The following SCOC variants were observed in gnomAD, a reference collection of about 807,000 sequenced individuals.
The protein encoded by SCOC is short coiled-coil protein.
A neutral mutation model predicts 9.9 loss-of-function variants in SCOC; 7 were observed. The observed-to-expected ratio is 0.71, with a 90% confidence interval of 0.40 to 1.33. The LOEUF is 1.33. SCOC is among the 40% of genes most tolerant of loss of function. The probability of loss-of-function intolerance (pLI) is 0.01; values close to 1 mark genes in which losing one functional copy is unlikely to be tolerated. For synonymous variants in SCOC, 19 were observed against 28.2 expected (o/e 0.67, Z 1.03); for missense variants, 66 against 89.7 (o/e 0.74, Z 1.07).
intron 1 of SCOC, among the ~76,000 whole-genome samples, chr4:140,265,285 C>T (rs1730709199): frequency 6.6e-6 from 1 of 152,224 alleles, no homozygotes; most frequent in East Asian, 1.9e-4. Flanking sequence ...AAATCAGAAC[C>T]CAAAGAAAGG....
chr4:140,372,310 C>T (rs1004985608), upstream of SCOC, among the ~76,000 whole-genome samples: 16 of 152,188 alleles, frequency 1.1e-4, no homozygotes, highest in African/African-American at 3.9e-4. Flanking sequence ...ACTGTTCTAG[C>T]AAAAACAAAA....
chr4:140,356,886 A>G (rs1380939800), intron 2 of SCOC, among the ~76,000 whole-genome samples: 1 of 152,160 alleles, frequency 6.6e-6, no homozygotes, highest in Non-Finnish European at 1.5e-5. Context: ...TTCCCAATTT[A>G]TTAAGTGAGT....
At chr4:140,273,865 A>C (rs1412173458) in intron 1 of SCOC, among the ~76,000 whole-genome samples, 1 of 152,238 alleles carries the variant, frequency 6.6e-6, no homozygotes, top group Non-Finnish European at 1.5e-5. Context: ...GTAACAGTTT[A>C]AAGCTTATAA....
At chr4:140,286,907 C>T (rs780003630) in intron 1 of SCOC, among the ~76,000 whole-genome samples, 10 of 152,114 alleles carry the variant, frequency 6.6e-5, no homozygotes, top group Non-Finnish European at 1.3e-4. Flanking sequence ...TAGCTGTTCC[C>T]CCAGAGGGCT....
rs201608286 is a variant in SCOC at position 140,322,461 on chromosome 4, G to T, written c.-18-21160G>T. Among the ~76,000 whole-genome samples the T allele has an allele frequency of 1.1e-4, 17 of 152,282 alleles. 1 individual carries two copies. In the East Asian group the frequency reaches 2.3e-3, roughly 21 times the overall value. Reference sequence around the variant, plus strand: ...AGGACATTCTGATGAGGTTGTAGATGAAAATGAGGAACAAACATTGGAAAC... The same window carrying T: ...AGGACATTCTGATGAGGTTGTAGATTAAAATGAGGAACAAACATTGGAAAC... On this transcript the variant is annotated intron_variant, in intron 1 of 4. Transcript: ENST00000394205.
chr4:140,319,758 A>G (rs1487248055), intron 1 of SCOC, among the ~76,000 whole-genome samples: 1 of 149,460 alleles, frequency 6.7e-6, no homozygotes, highest in African/African-American at 2.4e-5. Flanking sequence ...TAACAATGAG[A>G]AAAAAAAAAC....
rs1311064788 is a variant in SCOC at position 140,382,974 on chromosome 4, TA to T, written c.*1873del. 6.6e-6 allele frequency: 1 copy of T among 152,262 alleles called. No individual in the cohort carries two copies. The highest frequency in any genetic ancestry group is 2.4e-5 in the African/African-American group (1 of 41,468). The allele number at this position is 152,262 out of a possible 1,614,324, so 9.4% of individuals were successfully genotyped here. ...TTGGCTGAGGATGGTGCTGCCATTT[TA>T]AATCATGGCTTTCAAGTCACTCTAG... On this transcript the variant is annotated 3_prime_UTR_variant, in exon 4 of 4. Transcript: ENST00000608372.
intron 1 of SCOC, among the ~76,000 whole-genome samples, chr4:140,295,936 A>AAAAAAAAAAAAGAAAGAAAG (rs1731619702): frequency 6.6e-6 from 1 of 150,464 alleles, no homozygotes; most frequent in Non-Finnish European, 1.5e-5. Flanking sequence ...GTCTCAAAAA[A>AAAAAAAAAAAAGAAAGAAAG]AAAAAAAAAA....
intron 1 of SCOC, chr4:140,284,345 T>C (rs950762020): frequency 2.6e-5 from 4 of 152,186 alleles, no homozygotes; most frequent in South Asian, 4.1e-4. Flanking sequence ...TTCGGGGCTA[T>C]GAAAGAATGC....
chr4:140,343,923 A>G (rs1726604624), intron 2 of SCOC, among the ~76,000 whole-genome samples: 1 of 142,188 alleles, frequency 7.0e-6, no homozygotes, highest in Non-Finnish European at 1.6e-5. Flanking sequence ...ATTATATAAC[A>G]TGTACTTTTT....
At position 140,310,440 on chromosome 4, in the gene SCOC, T is replaced by C. The variant is rs188108725; in HGVS notation, c.-18-33181T>C. The stretch of plus-strand genomic sequence containing the variant: ...TATATCCTTTTTTACAAGGTTCTGG[T>C]CAAATCTTAAATAAATTCTGAAGAA... On this transcript the variant is annotated intron_variant, in intron 1 of 4. Coordinates refer to the SCOC transcript ENST00000394205. Among the ~76,000 whole-genome samples the C allele has an allele frequency of 2.3e-4, 35 of 152,292 alleles. 1 individual carries two copies. Among genetic ancestry groups the C allele is most frequent in the Admixed American group, 2.0e-3 (31 of 15,302 alleles).
chr4:140,294,839 A>G (rs1731577581), intron 1 of SCOC, among the ~76,000 whole-genome samples: 1 of 152,208 alleles, frequency 6.6e-6, no homozygotes, highest in African/African-American at 2.4e-5. Flanking sequence ...GGAAACAGCT[A>G]AAAGTAGCTA....
At chr4:140,323,019 A>T (rs996395671) in intron 1 of SCOC, among the ~76,000 whole-genome samples, 2 of 152,282 alleles carry the variant, frequency 1.3e-5, no homozygotes, top group African/African-American at 4.8e-5. Flanking sequence ...GAAAATAGGA[A>T]AACAATACAT....
chr4:140,361,573 C>A lies in SCOC; in HGVS notation c.71-17548C>A, dbSNP rs377104430. 5.3e-5 allele frequency among the ~76,000 whole-genome samples: 8 copies of A among 152,262 alleles called. 1 individual carries two copies. Among genetic ancestry groups the A allele is most frequent in the African/African-American group, 1.9e-4 (8 of 41,556 alleles). ...ATTTGAGAGGCTGAGGCAAGAGAAT[C>A]ACTTGAGCCCAGGAAGTTGAGGCTG... On this transcript the variant is annotated intron_variant, in intron 2 of 4. Transcript: ENST00000338517.
chr4:140,341,433 T>A (rs1056734179), upstream of SCOC, among the ~76,000 whole-genome samples: 1 of 152,174 alleles, frequency 6.6e-6, no homozygotes, highest in Non-Finnish European at 1.5e-5. Context: ...CTGCATAACA[T>A]TCTGTCACTT....
intron 2 of SCOC, among the ~76,000 whole-genome samples, chr4:140,362,301 T>TCTTCTTGTTCTTCTTCTTC: frequency 6.8e-5 from 2 of 29,410 alleles, no homozygotes; most frequent in African/African-American, 1.2e-4. Flanking sequence ...TTCTTCTTCT[T>TCTTCTTGTTCTTCTTCTTC]TTTTTTTTTT....
chr4:140,260,350 A>T (rs1045550693), intron 1 of SCOC, among the ~76,000 whole-genome samples: 1 of 152,250 alleles, frequency 6.6e-6, no homozygotes, highest in Non-Finnish European at 1.5e-5. Flanking sequence ...CAGCAAAGAA[A>T]TGACAGTTCC....
At chr4:140,274,911 A>G (rs1342669265) in intron 1 of SCOC, among the ~76,000 whole-genome samples, 1 of 152,076 alleles carries the variant, frequency 6.6e-6, no homozygotes, top group South Asian at 2.1e-4. Flanking sequence ...TGTTAAATCC[A>G]TCTAATGCTA....
intron 1 of SCOC, among the ~76,000 whole-genome samples, chr4:140,321,705 A>G (rs2126482662): frequency 1.3e-5 from 2 of 152,346 alleles, no homozygotes; most frequent in South Asian, 4.1e-4. Context: ...ACAATATTAG[A>G]CAGTCTAACA....
Sources: allele counts gnomAD v4.1 joint callset (sites outside exome capture counted in the v4.1 genomes callset), GRCh38; gene constraint gnomAD v4.1.1; transcripts MANE v1.5; gene names NCBI Gene and HGNC (gene_info 2026-07-23, HGNC 2026-07-21).